Variants in MME observed in about 807,000 individuals in gnomAD.
MME encodes neprilysin.
A neutral mutation model predicts 113.2 loss-of-function variants in MME; 98 were observed. The ratio of observed to expected loss-of-function variants is 0.87; its 90% confidence interval spans 0.74 to 1.02. The LOEUF is 1.02. MME is among the 50% of genes least tolerant of loss of function. The pLI, the probability that MME is intolerant of heterozygous loss-of-function variation, is 0.00. For missense variants in MME, 836 were observed against 896.0 expected, an observed-to-expected ratio of 0.93 and a Z score of 0.86; for synonymous variants, 292 against 300.6, an observed-to-expected ratio of 0.97 and a Z score of 0.30.
rs1576606635 is a variant in MME at position 155,118,662 on chromosome 3, A to G, written c.655-84A>G. ...AAACAGCAAGAGTAGGATCTTTCAC[A>G]TACATAGATAGACATGCTTGTATTT... On this transcript the variant is annotated intron_variant, in intron 7 of 22. Transcript: ENST00000360490. 3.4e-6 allele frequency: 3 copies of G among 884,854 alleles called. No homozygotes were observed. In the East Asian group the frequency reaches 7.9e-5, roughly 23 times the overall value. The allele number at this position is 884,854 out of a possible 1,614,324, so 54.8% of individuals were successfully genotyped here.
At chr3:155,169,699 C>T (rs1711694384) in intron 20 of MME, among the ~76,000 whole-genome samples, 2 of 152,210 alleles carry the variant, frequency 1.3e-5, no homozygotes, top group Middle Eastern at 3.4e-3. Context: ...ACAACTTGTT[C>T]CTAGGCTAGA....
chr3:155,073,445 G>A (rs544951115), intron 1 of MME, among the ~76,000 whole-genome samples: 18 of 152,274 alleles, frequency 1.2e-4, no homozygotes, highest in Non-Finnish European at 2.2e-4. Context: ...ACTAATCAGT[G>A]CATGAAGTCT....
chr3:155,116,132 T>C (rs1207980197), intron 4 of MME, among the ~76,000 whole-genome samples: 1 of 152,144 alleles, frequency 6.6e-6, no homozygotes, highest in Admixed American at 6.5e-5. Context: ...TATTGTTTTT[T>C]TTTAATCTCA....
intron 1 of MME, among the ~76,000 whole-genome samples, chr3:155,033,416 A>G (rs1458202756): frequency 6.6e-6 from 1 of 152,166 alleles, no homozygotes; most frequent in Non-Finnish European, 1.5e-5. Context: ...TGCAAGTTAT[A>G]TGTTTCAAAA....
intron 8 of MME, among the ~76,000 whole-genome samples, chr3:155,125,160 G>A (rs1486575310): frequency 1.4e-5 from 2 of 147,994 alleles, no homozygotes; most frequent in African/African-American, 4.9e-5. Context: ...CGCAATATTC[G>A]GGTGGGAGTG....
intron 20 of MME, among the ~76,000 whole-genome samples, chr3:155,170,397 A>C (rs142299570): frequency 1.3e-3 from 197 of 152,146 alleles, no homozygotes; most frequent in African/African-American, 4.5e-3. Context: ...AATATTCTTG[A>C]GCTTTATTCT....
chr3:155,069,696 G>C (rs921765865), intron 1 of MME, among the ~76,000 whole-genome samples: 1 of 152,166 alleles, frequency 6.6e-6, no homozygotes, highest in South Asian at 2.1e-4. Flanking sequence ...CTTAAATAGT[G>C]ACTGGAGAAA....
At chr3:155,053,227 T>G (rs1021901501) in intron 1 of MME, among the ~76,000 whole-genome samples, 4 of 152,238 alleles carry the variant, frequency 2.6e-5, no homozygotes, top group Non-Finnish European at 5.9e-5. Context: ...TCTGAATTTT[T>G]GGGTATCTTC....
chr3:155,082,259 A>C (rs1247793824), intron 1 of MME, among the ~76,000 whole-genome samples: 12 of 152,208 alleles, frequency 7.9e-5, no homozygotes, highest in African/African-American at 1.2e-4. Context: ...GAACTAAGAA[A>C]AAAAAAAGTC....
intron 3 of MME, among the ~76,000 whole-genome samples, chr3:155,111,332 C>G (rs183796164): frequency 6.6e-6 from 1 of 152,208 alleles, no homozygotes; most frequent in Non-Finnish European, 1.5e-5. Context: ...TTCATCAGAA[C>G]AGAGAGCGCT....
At chr3:155,057,887 T>A (rs1713992765) in intron 1 of MME, among the ~76,000 whole-genome samples, 1 of 152,138 alleles carries the variant, frequency 6.6e-6, no homozygotes, top group Admixed American at 6.5e-5. Context: ...CTTATATATC[T>A]ATGTATTTGA....
chr3:155,126,091 CA>C (rs1719628086), intron 8 of MME, among the ~76,000 whole-genome samples: 1 of 152,016 alleles, frequency 6.6e-6, no homozygotes, highest in African/African-American at 2.4e-5. Context: ...GATATATCAT[CA>C]AAGGCCACAA....
At chr3:155,146,561 A>G (rs1721535873) in intron 14 of MME, among the ~76,000 whole-genome samples, 1 of 152,056 alleles carries the variant, frequency 6.6e-6, no homozygotes, top group Non-Finnish European at 1.5e-5. Context: ...TAAATACATA[A>G]TAAATATGAG....
intron 8 of MME, among the ~76,000 whole-genome samples, chr3:155,133,992 T>A (rs1454793531): frequency 6.6e-6 from 1 of 151,680 alleles, no homozygotes; most frequent in Non-Finnish European, 1.5e-5. Flanking sequence ...TCCCATGAGG[T>A]ATGAACTCAG....
At chr3:155,032,286 A>T (rs1041600869) in intron 1 of MME, among the ~76,000 whole-genome samples, 3 of 152,214 alleles carry the variant, frequency 2.0e-5, no homozygotes, top group Non-Finnish European at 4.4e-5. Flanking sequence ...AGTTTTAAAG[A>T]TTACAAATTT....
At chr3:155,036,384 T>A (rs1713128292) in intron 1 of MME, among the ~76,000 whole-genome samples, 1 of 152,170 alleles carries the variant, frequency 6.6e-6, no homozygotes, top group Admixed American at 6.6e-5. Context: ...TAGAGTTTTT[T>A]TTATTAACCC....
At chr3:155,044,634 C>T (rs2108123497) in intron 1 of MME, among the ~76,000 whole-genome samples, 1 of 152,288 alleles carries the variant, frequency 6.6e-6, no homozygotes, top group East Asian at 1.9e-4. Context: ...ATTCTCCTGC[C>T]TCAGCCTCCT....
In MME at chr3:155,158,878, C is replaced by CA. The variant is rs745428590; in HGVS notation, c.1602-1511dup. On this transcript the variant is annotated intron_variant, in intron 16 of 22. Transcript: ENST00000360490. ...AGGACTGATATTATCAGTCCCCCCCCATCCTGTTTAAAAATGCTTTCTCGA... is the reference window on the plus strand; with the variant it reads ...AGGACTGATATTATCAGTCCCCCCCCAATCCTGTTTAAAAATGCTTTCTCGA... The CA allele has an allele frequency of 3.9e-5, 6 of 152,104 alleles. No individual in the cohort carries two copies. In the South Asian group the frequency reaches 8.3e-4, roughly 21 times the overall value. The allele number at this position is 152,104 out of a possible 1,614,324, so 9.4% of individuals were successfully genotyped here.
intron 16 of MME, among the ~76,000 whole-genome samples, chr3:155,158,188 A>C (rs1171625834): frequency 6.6e-6 from 1 of 152,066 alleles, no homozygotes; most frequent in East Asian, 1.9e-4. Flanking sequence ...TTTCAATATT[A>C]GGATTTTTGA....
Sources: allele counts gnomAD v4.1 joint callset (sites outside exome capture counted in the v4.1 genomes callset), GRCh38; gene constraint gnomAD v4.1.1; transcripts MANE v1.5; gene names NCBI Gene and HGNC (gene_info 2026-07-23, HGNC 2026-07-21).